Variants in DCAF8L2 observed in about 807,000 individuals in gnomAD.
DCAF8L2 encodes the protein DDB1- and CUL4-associated factor 8-like protein 2.
For synonymous variants in DCAF8L2, 200 were observed against 190.9 expected, an observed-to-expected ratio of 1.05 and a Z score of -0.39; for missense variants, 430 against 490.7, an observed-to-expected ratio of 0.88 and a Z score of 1.17.
intron 3 of DCAF8L2, among the ~76,000 whole-genome samples, chrX:27,700,124 A>G (rs1931076935): frequency 9.0e-6 from 1 of 111,401 alleles, no homozygotes; most frequent in Admixed American, 9.6e-5. Flanking sequence ...GCCTACCATA[A>G]GAGTCAAAAT....
At chrX:27,534,951 G>C in the DCAF8L2 span, among the ~76,000 whole-genome samples, 1 of 111,677 alleles carries the variant, frequency 9.0e-6, no homozygotes, top group East Asian at 2.8e-4. Context: ...AAACCCAATT[G>C]CTTCTTTTGT....
the DCAF8L2 span, among the ~76,000 whole-genome samples, chrX:27,520,318 T>C: frequency 8.9e-6 from 1 of 112,168 alleles, no homozygotes; most frequent in African/African-American, 3.2e-5. Context: ...TTTAAAAAGC[T>C]GTAGAGAACA....
chrX:27,532,419 C>T, the DCAF8L2 span, among the ~76,000 whole-genome samples: 1 of 111,683 alleles, frequency 9.0e-6, no homozygotes, highest in Non-Finnish European at 1.9e-5. Context: ...ATGGTGATAG[C>T]AGTGAATTAT....
chrX:27,695,343 A>G (rs1163367263), intron 3 of DCAF8L2, among the ~76,000 whole-genome samples: 1 of 112,496 alleles, frequency 8.9e-6, no homozygotes, highest in Admixed American at 9.4e-5. Context: ...TTACTTGCCA[A>G]TAGAAAACAA....
intron 2 of DCAF8L2, among the ~76,000 whole-genome samples, chrX:27,668,865 G>T (rs1290446957): frequency 9.1e-6 from 1 of 110,082 alleles, no homozygotes; most frequent in African/African-American, 3.3e-5. Context: ...AATCCGGGAG[G>T]TGGAGGTTGC....
At chrX:27,585,419 T>C (rs1925887072), upstream of DCAF8L2, among the ~76,000 whole-genome samples, 1 of 112,146 alleles carries the variant, frequency 8.9e-6, no homozygotes, top group East Asian at 2.8e-4. Flanking sequence ...TGTCTACTGA[T>C]TCTGTATTGG....
At chrX:27,520,072 A>T in the DCAF8L2 span, among the ~76,000 whole-genome samples, 3 of 111,858 alleles carry the variant, frequency 2.7e-5, no homozygotes, top group Non-Finnish European at 3.8e-5. Context: ...TCACTTGGAA[A>T]ATTCTATCAA....
At chrX:27,576,859 T>G in the DCAF8L2 span, among the ~76,000 whole-genome samples, 3 of 111,860 alleles carry the variant, frequency 2.7e-5, no homozygotes, top group Non-Finnish European at 5.6e-5. Flanking sequence ...TACGTAACAT[T>G]GAACTCAAAC....
chrX:27,717,421 C>T (rs763121354), intron 4 of DCAF8L2, among the ~76,000 whole-genome samples: 2 of 112,206 alleles, frequency 1.8e-5, no homozygotes, highest in African/African-American at 3.2e-5. Context: ...TAATAATGGC[C>T]ATTCCAACTG....
intron 2 of DCAF8L2, among the ~76,000 whole-genome samples, chrX:27,636,734 G>C (rs1051482047): frequency 1.8e-5 from 2 of 111,578 alleles, no homozygotes; most frequent in African/African-American, 6.5e-5. Context: ...CAGAGAATCA[G>C]GCCCAGGAAA....
chrX:27,726,215 T>G (rs1932065924), intron 4 of DCAF8L2, among the ~76,000 whole-genome samples: 1 of 111,625 alleles, frequency 9.0e-6, no homozygotes, highest in South Asian at 3.7e-4. Context: ...CTCTCAGTTC[T>G]CATAACCTCG....
intron 3 of DCAF8L2, among the ~76,000 whole-genome samples, chrX:27,704,260 A>ATATATATG (rs1555930724): frequency 6.1e-5 from 6 of 97,853 alleles, no homozygotes; most frequent in Admixed American, 4.4e-4. Flanking sequence ...GTATGTACGT[A>ATATATATG]TATATACGTA....
intron 2 of DCAF8L2, among the ~76,000 whole-genome samples, chrX:27,647,355 C>T (rs745392652): frequency 9.0e-6 from 1 of 111,042 alleles, no homozygotes; most frequent in Non-Finnish European, 1.9e-5. Context: ...GGGAGCTGAA[C>T]AATGAGAACA....
intron 3 of DCAF8L2, among the ~76,000 whole-genome samples, chrX:27,686,950 T>C (rs5926855): frequency 0.49 from 54,071 of 110,873 alleles, 9,566 homozygotes; most frequent in Middle Eastern, 0.59. Flanking sequence ...GGTTCACGCT[T>C]CTATGAGAAT....
At chrX:27,488,127 T>C in the DCAF8L2 span, among the ~76,000 whole-genome samples, 277 of 112,048 alleles carry the variant, frequency 2.5e-3, 1 homozygote, top group Non-Finnish European at 3.9e-3. Context: ...GTGTGAGGGT[T>C]CCAGTTTCTC....
At position 27,747,282 on chromosome X, in the gene DCAF8L2, A is replaced by AGAGGAGGAGGAGGAGGAG. The variant is rs745536197; in HGVS notation, c.417_434dup (p.Glu142_Glu147dup). 6.5e-5 allele frequency: 61 copies of AGAGGAGGAGGAGGAGGAG among 939,298 alleles called. No homozygotes were observed. The African/African-American group carries it at 6.8e-4, about 10-fold the overall frequency. 77.4% of individuals were successfully genotyped at this position (939,298 alleles called of 1,213,427 possible). On this transcript the variant is annotated inframe_insertion, in exon 5 of 5. Coordinates refer to ENST00000451261, the MANE Select transcript of DCAF8L2 (RefSeq NM_001353450.2). ...AAGAGGAGGGAGGGGAGGAGGAGGA[A>AGAGGAGGAGGAGGAGGAG]GAGGAGGAGGAGGAGGAGGAGGAGG...
At chrX:27,517,698 C>A in the DCAF8L2 span, 15 of 882,417 alleles carry the variant, frequency 1.7e-5, no homozygotes, top group African/African-American at 2.8e-4. Context: ...CCACCGTATC[C>A]GCAAAGGCCT....
At chrX:27,734,698 C>G (rs1055860346) in intron 4 of DCAF8L2, among the ~76,000 whole-genome samples, 65 of 111,666 alleles carry the variant, frequency 5.8e-4, no homozygotes, top group Non-Finnish European at 1.9e-4. Context: ...ACACCAGAAA[C>G]TTTTGTGTGT....
chrX:27,478,796 T>G, the DCAF8L2 span, among the ~76,000 whole-genome samples: 1 of 112,111 alleles, frequency 8.9e-6, no homozygotes, highest in African/African-American at 3.2e-5. Context: ...ATAAAAACAT[T>G]GTTTAGCATC....
Sources: gnomAD v4.1 joint callset for allele counts (sites outside exome capture counted in the v4.1 genomes callset) on GRCh38, gnomAD v4.1.1 for gene constraint, MANE v1.5 for transcripts, NCBI Gene and HGNC (gene_info 2026-07-23, HGNC 2026-07-21) for gene names.